The following SNTG2 variants were observed in gnomAD, a reference collection of about 807,000 sequenced individuals.
SNTG2 encodes syntrophin gamma 2, also known as gamma-2-syntrophin.
SNTG2 carries 74 observed loss-of-function variants against 70.9 expected under a neutral mutation model. That is an observed-to-expected ratio of 1.04 (90% CI 0.86 to 1.27). SNTG2 has a LOEUF of 1.27. Ranked by LOEUF, SNTG2 falls within the 50% of genes most tolerant of loss-of-function variation. The probability of loss-of-function intolerance (pLI) is 0.00; values close to 1 mark genes in which losing one functional copy is unlikely to be tolerated. For synonymous variants in SNTG2, 278 were observed against 273.8 expected (o/e 1.02, Z -0.15); for missense variants, 717 against 690.7 (o/e 1.04, Z -0.43).
intron 4 of SNTG2, among the ~76,000 whole-genome samples, chr2:1,104,737 C>T (rs775866629): frequency 3.3e-5 from 5 of 152,134 alleles, no homozygotes; most frequent in East Asian, 1.9e-4. Context: ...TCTCAGCTTA[C>T]GGTGGTTTGA....
At chr2:988,218 G>T (rs545168117) in intron 1 of SNTG2, among the ~76,000 whole-genome samples, 1 of 152,322 alleles carries the variant, frequency 6.6e-6, no homozygotes, top group South Asian at 2.1e-4. Flanking sequence ...GGACACTCAG[G>T]TGGGGAGAGC....
At chr2:1,017,486 A>C (rs569471695) in intron 1 of SNTG2, among the ~76,000 whole-genome samples, 10 of 152,360 alleles carry the variant, frequency 6.6e-5, no homozygotes, top group Admixed American at 2.6e-4. Context: ...ATGCATGCAC[A>C]CATGTAGAGA....
At chr2:1,259,759 A>G (rs904464782) in intron 13 of SNTG2, among the ~76,000 whole-genome samples, 1 of 152,186 alleles carries the variant, frequency 6.6e-6, no homozygotes, top group African/African-American at 2.4e-5. Context: ...AGAACTTTAG[A>G]TTTTGTTACT....
chr2:1,284,347 T>A (rs1371941393), intron 14 of SNTG2, among the ~76,000 whole-genome samples: 1 of 152,168 alleles, frequency 6.6e-6, no homozygotes, highest in Non-Finnish European at 1.5e-5. Context: ...TTCTGGCGGG[T>A]GCTGATAGGA....
In SNTG2 at chr2:1,212,447, G is replaced by C. The variant is rs190775930; in HGVS notation, c.719+3217G>C. Reference sequence around the variant, plus strand: ...TTTCTTTATAAATTACCCATTCTCAGGTATTTCTTTACAGCAGTGCAAGAA... The same window carrying C: ...TTTCTTTATAAATTACCCATTCTCACGTATTTCTTTACAGCAGTGCAAGAA... On this transcript the variant is annotated intron_variant, in intron 9 of 16. Coordinates refer to ENST00000308624, the MANE Select transcript of SNTG2 (RefSeq NM_018968.4). Among the ~76,000 whole-genome samples the C allele has an allele frequency of 3.4e-4, 51 of 152,206 alleles. No individual in the cohort carries two copies. In the East Asian group the frequency reaches 7.3e-3, roughly 22 times the overall value.
At position 1,118,663 on chromosome 2, in the gene SNTG2, GA is replaced by G. The variant is rs55918129; in HGVS notation, c.326-18949del. Among the ~76,000 whole-genome samples the G allele has an allele frequency of 1.2e-3, 173 of 150,272 alleles. 3 individuals carry two copies. The highest frequency in any genetic ancestry group is 3.9e-3 in the African/African-American group (159 of 40,972). Reference sequence around the variant, plus strand: ...AATAGCAGACCTAGATTAAGCAGCAGAAAAAAAAAATCTGTGAACTTGAAGA... The same window carrying G: ...AATAGCAGACCTAGATTAAGCAGCAGAAAAAAAAATCTGTGAACTTGAAGA... On this transcript the variant is annotated intron_variant, in intron 4 of 16. Transcript: ENST00000308624.
chr2:1,176,164 G>C (rs1162681831), intron 8 of SNTG2, among the ~76,000 whole-genome samples: 2 of 152,260 alleles, frequency 1.3e-5, no homozygotes, highest in Middle Eastern at 3.4e-3. Flanking sequence ...TTATTCATAT[G>C]GTTAGCTCAG....
intron 16 of SNTG2, among the ~76,000 whole-genome samples, chr2:1,365,056 G>A (rs144118817): frequency 1.6e-3 from 238 of 150,946 alleles, no homozygotes; most frequent in Middle Eastern, 6.8e-3. Flanking sequence ...AAGTTTGCAA[G>A]AACCTTGTGT....
rs1665446786 is a variant in SNTG2, at chr2:1,097,179, TAAG to T, written c.211-1013_211-1011del. Among the ~76,000 whole-genome samples, 1 of 152,116 alleles carries T rather than the reference TAAG, an allele frequency of 6.6e-6. No individual in the cohort carries two copies. Among genetic ancestry groups the T allele is most frequent in the African/African-American group, 2.4e-5 (1 of 41,380 alleles). Reference sequence around the variant, plus strand: ...TTTGAGTTTATGAAGTATTTCCCCCTAAGAAGGACATTCCTGGGGTATCTCAGG... The same window carrying T: ...TTTGAGTTTATGAAGTATTTCCCCCTAAGGACATTCCTGGGGTATCTCAGG... On this transcript the variant is annotated intron_variant, in intron 2 of 16. Transcript: ENST00000308624. The surrounding 1 kb of genome is among the most constrained non-coding windows in gnomAD (Gnocchi z 4.1).
At chr2:1,057,859 G>A (rs1662563254) in intron 1 of SNTG2, among the ~76,000 whole-genome samples, 1 of 152,076 alleles carries the variant, frequency 6.6e-6, no homozygotes, top group Admixed American at 6.6e-5. Flanking sequence ...ACAACATGGT[G>A]AGACCCCATC....
chr2:1,360,898 G>A (rs532857747), intron 16 of SNTG2, among the ~76,000 whole-genome samples: 7 of 152,286 alleles, frequency 4.6e-5, no homozygotes, highest in Admixed American at 1.3e-4. Context: ...AGTCACCTGC[G>A]TGTCCCAGTG....
Position 1,132,273 on chromosome 2 carries a change from A to G in SNTG2, c.326-5349A>G, listed in dbSNP as rs184449615. Reference sequence around the variant, plus strand: ...CACACACACACACACATACATACACACATACATGCACAGGTTGATAGGTTT... The same window carrying G: ...CACACACACACACACATACATACACGCATACATGCACAGGTTGATAGGTTT... On this transcript the variant is annotated intron_variant, in intron 4 of 16. Transcript: ENST00000308624. Among the ~76,000 whole-genome samples the G allele has an allele frequency of 1.0e-3, 156 of 152,240 alleles. 1 individual carries two copies. Among genetic ancestry groups the G allele is most frequent in the African/African-American group, 3.6e-3 (150 of 41,544 alleles).
intron 1 of SNTG2, among the ~76,000 whole-genome samples, chr2:1,001,439 G>T (rs886850029): frequency 2.6e-5 from 4 of 151,890 alleles, no homozygotes; most frequent in African/African-American, 9.7e-5. Flanking sequence ...AAAAATAAAT[G>T]TACAAAAATC....
At chr2:1,173,486 T>C (rs1671265000) in intron 8 of SNTG2, among the ~76,000 whole-genome samples, 1 of 152,250 alleles carries the variant, frequency 6.6e-6, no homozygotes, top group Admixed American at 6.5e-5. Context: ...TAGGAAGGAC[T>C]GCAGGTTATT....
intron 9 of SNTG2, among the ~76,000 whole-genome samples, chr2:1,222,289 G>A (rs1168749518): frequency 6.6e-6 from 1 of 152,228 alleles, no homozygotes; most frequent in Non-Finnish European, 1.5e-5. Flanking sequence ...AAAAGATGCT[G>A]CAAAGTCTCC....
At chr2:993,892 T>G (rs1661588325) in intron 1 of SNTG2, among the ~76,000 whole-genome samples, 1 of 152,182 alleles carries the variant, frequency 6.6e-6, no homozygotes, top group Non-Finnish European at 1.5e-5. Flanking sequence ...TTTTATGTTC[T>G]GGATACATGT....
chr2:1,197,477 ATATATATATGTGTATG>A (rs1465466316), intron 8 of SNTG2, among the ~76,000 whole-genome samples: 1 of 92,900 alleles, frequency 1.1e-5, no homozygotes, highest in African/African-American at 3.1e-5. Context: ...ATATATGTGT[ATATATATATGTGTATG>A]TATATATGTG....
chr2:1,137,240 C>A (rs1470411643), intron 4 of SNTG2, among the ~76,000 whole-genome samples: 1 of 151,524 alleles, frequency 6.6e-6, no homozygotes, highest in Non-Finnish European at 1.5e-5. Flanking sequence ...GATTCACATG[C>A]TCAGACTTGC....
At chr2:1,297,967 G>A (rs1400918898) in intron 14 of SNTG2, among the ~76,000 whole-genome samples, 1 of 152,148 alleles carries the variant, frequency 6.6e-6, no homozygotes, top group African/African-American at 2.4e-5. Flanking sequence ...GTGTGGAGCT[G>A]AGGCCCATTG....
Sources: allele counts gnomAD v4.1 joint callset (sites outside exome capture counted in the v4.1 genomes callset), GRCh38; gene constraint gnomAD v4.1.1; non-coding constraint Gnocchi (gnomAD v3.1); transcripts MANE v1.5; gene names NCBI Gene and HGNC (gene_info 2026-07-23, HGNC 2026-07-21).